The following LRBA variants were observed in gnomAD, a reference collection of about 807,000 sequenced individuals.
LRBA encodes lipopolysaccharide-responsive and beige-like anchor protein.
Under a neutral mutation model 330.0 loss-of-function variants are expected in LRBA, and 176 were observed. The observed-to-expected ratio is 0.53, with a 90% confidence interval of 0.47 to 0.60. The LOEUF (loss-of-function observed/expected upper bound fraction) is 0.60, where lower values mean the gene tolerates loss of function less well. Among genes scored for constraint, LRBA ranks in the 20% least tolerant of loss-of-function variants. The pLI is 0.00. For synonymous variants in LRBA, 1,230 were observed against 1,193.0 expected (o/e 1.03, Z -0.64); for missense variants, 3,259 against 3,444.8 (o/e 0.95, Z 1.35).
chr4:150,869,351 T>G (rs1057080554), intron 20 of LRBA, among the ~76,000 whole-genome samples: 1 of 152,214 alleles, frequency 6.6e-6, no homozygotes, highest in Non-Finnish European at 1.5e-5. Context: ...ACTAAACTAC[T>G]ATTGTAATGG....
At chr4:150,930,492 CA>C (rs572144858) in intron 2 of LRBA, among the ~76,000 whole-genome samples, 2 of 148,494 alleles carry the variant, frequency 1.3e-5, no homozygotes, top group Non-Finnish European at 1.5e-5. Flanking sequence ...GACTCCATCT[CA>C]AAAAAAAATA....
chr4:150,738,627 T>C (rs536740787), intron 35 of LRBA, among the ~76,000 whole-genome samples: 2 of 152,256 alleles, frequency 1.3e-5, no homozygotes, highest in Admixed American at 1.3e-4. Flanking sequence ...AATACTGCAA[T>C]CTAAAATATA....
chr4:150,989,948 A>C (rs1042294812), intron 2 of LRBA, among the ~76,000 whole-genome samples: 8 of 151,948 alleles, frequency 5.3e-5, no homozygotes, highest in Non-Finnish European at 1.0e-4. Flanking sequence ...ACATAGCAAG[A>C]CCCCCATCTC....
At chr4:150,616,412 A>T (rs1050043726) in intron 37 of LRBA, among the ~76,000 whole-genome samples, 1 of 152,220 alleles carries the variant, frequency 6.6e-6, no homozygotes, top group Non-Finnish European at 1.5e-5. Flanking sequence ...TACTCATCTC[A>T]TATTGGCAGT....
intron 22 of LRBA, among the ~76,000 whole-genome samples, chr4:150,859,478 C>CA (rs200731741): frequency 3.2e-4 from 47 of 148,988 alleles, no homozygotes; most frequent in African/African-American, 1.0e-3. Flanking sequence ...CAAAAACAAA[C>CA]AAAAAAAAAT....
chr4:150,864,217 T>C (rs1484732467), intron 22 of LRBA, among the ~76,000 whole-genome samples: 1 of 152,156 alleles, frequency 6.6e-6, no homozygotes, highest in Non-Finnish European at 1.5e-5. Context: ...ATTACAGGCG[T>C]GAGCCACCGT....
intron 44 of LRBA, among the ~76,000 whole-genome samples, chr4:150,439,760 C>T (rs6850737): frequency 6.6e-6 from 1 of 152,112 alleles, no homozygotes; most frequent in Admixed American, 6.6e-5. Flanking sequence ...AATGACAGTG[C>T]TGTATATCAC....
intron 13 of LRBA, among the ~76,000 whole-genome samples, chr4:150,902,947 A>T (rs1346661005): frequency 6.6e-6 from 1 of 152,176 alleles, no homozygotes; most frequent in Non-Finnish European, 1.5e-5. Context: ...TCCACTGAGG[A>T]TATTTCCATT....
intron 40 of LRBA, among the ~76,000 whole-genome samples, chr4:150,576,140 C>A (rs1467504203): frequency 1.4e-4 from 17 of 125,214 alleles, no homozygotes; most frequent in East Asian, 4.6e-4. Context: ...TCTAATAGTA[C>A]ATTAATAAGT....
At chr4:150,559,866 A>C in intron 40 of LRBA, among the ~76,000 whole-genome samples, 1 of 75,652 alleles carries the variant, frequency 1.3e-5, no homozygotes, top group Non-Finnish European at 2.3e-5. Flanking sequence ...AATTATATAT[A>C]ATATATAATT....
At position 150,432,636 on chromosome 4, in the gene LRBA, G is replaced by A. The variant is rs577388973; in HGVS notation, c.7041+2953C>T. 4.0e-5 allele frequency among the ~76,000 whole-genome samples: 6 copies of A among 151,310 alleles called. No homozygotes were observed. In the South Asian group the frequency reaches 1.3e-3, roughly 32 times the overall value. Reference sequence around the variant, plus strand: ...CATTTTTTGTATTTTTAGTAGAGACGGAGTTTCACCGTGTTAGTCAGGATG... The same window carrying A: ...CATTTTTTGTATTTTTAGTAGAGACAGAGTTTCACCGTGTTAGTCAGGATG... On this transcript the variant is annotated intron_variant, in intron 46 of 56. Transcript: ENST00000651943.
At chr4:150,386,687 T>C (rs575007149) in intron 47 of LRBA, among the ~76,000 whole-genome samples, 1 of 152,302 alleles carries the variant, frequency 6.6e-6, no homozygotes, top group East Asian at 1.9e-4. Flanking sequence ...TTTAGGTTGA[T>C]TCCATGCCTT....
chr4:150,370,105 T>C (rs982467004), intron 47 of LRBA, among the ~76,000 whole-genome samples: 3 of 152,204 alleles, frequency 2.0e-5, no homozygotes. Flanking sequence ...TAATGTTTTG[T>C]GGAGTGGAAG....
At chr4:150,788,437 A>G (rs1739404302) in intron 34 of LRBA, among the ~76,000 whole-genome samples, 1 of 151,970 alleles carries the variant, frequency 6.6e-6, no homozygotes, top group Admixed American at 6.6e-5. Context: ...TTAATAAGAA[A>G]CTGAGACTCA....
chr4:151,000,188 C>A (rs1423823695), intron 2 of LRBA, among the ~76,000 whole-genome samples: 1 of 152,166 alleles, frequency 6.6e-6, no homozygotes, highest in Non-Finnish European at 1.5e-5. Flanking sequence ...AATGGAGTTA[C>A]ATCCCAATAA....
intron 40 of LRBA, among the ~76,000 whole-genome samples, chr4:150,504,858 T>A (rs971203822): frequency 8.6e-5 from 13 of 151,604 alleles, no homozygotes; most frequent in Non-Finnish European, 1.8e-4. Context: ...ACACATAGGC[T>A]CAAAATAAAG....
chr4:150,350,578 A>AG (rs1375402456), intron 47 of LRBA, among the ~76,000 whole-genome samples: 2 of 151,774 alleles, frequency 1.3e-5, no homozygotes, highest in Non-Finnish European at 2.9e-5. Context: ...AAAAAAAAAA[A>AG]AAAGAAAGAA....
chr4:150,639,769 A>ATATGTG (rs1554070761), intron 37 of LRBA, among the ~76,000 whole-genome samples: 105 of 6,864 alleles, frequency 0.015, 6 homozygotes, highest in African/African-American at 0.041. Context: ...ATATATATAT[A>ATATGTG]TATATATATA....
intron 48 of LRBA, among the ~76,000 whole-genome samples, chr4:150,348,254 G>T (rs1653887732): frequency 6.6e-6 from 1 of 152,208 alleles, no homozygotes; most frequent in African/African-American, 2.4e-5. Context: ...CTGATTGAGT[G>T]TACTACTTGT....
Sources: allele counts gnomAD v4.1 joint callset (sites outside exome capture counted in the v4.1 genomes callset), GRCh38; gene constraint gnomAD v4.1.1; transcripts MANE v1.5; gene names NCBI Gene and HGNC (gene_info 2026-07-23, HGNC 2026-07-21).